Variants in RCSD1 observed in about 807,000 individuals in gnomAD.
The protein encoded by RCSD1 is capZ-interacting protein.
In RCSD1, 26 loss-of-function variants were observed where a neutral mutation model predicts 42.5. The ratio of observed to expected loss-of-function variants is 0.61; its 90% CI spans 0.45 to 0.85. The LOEUF is 0.85. Among genes scored for constraint, RCSD1 ranks in the 40% least tolerant of loss-of-function variants. The pLI is 0.00. For synonymous variants in RCSD1, 220 were observed against 212.2 expected, an observed-to-expected ratio of 1.04 and a Z score of -0.32; for missense variants, 571 against 528.3, an observed-to-expected ratio of 1.08 and a Z score of -0.79.
At chr1:167,690,510 C>T (rs1558091208) in intron 4 of RCSD1, among the ~76,000 whole-genome samples, 1 of 151,998 alleles carries the variant, frequency 6.6e-6, no homozygotes, top group Non-Finnish European at 1.5e-5. Flanking sequence ...ACTATCTCTA[C>T]AAAAAATTTT....
At chr1:167,698,420 G>T (rs1210612893) in intron 6 of RCSD1, among the ~76,000 whole-genome samples, 1 of 152,204 alleles carries the variant, frequency 6.6e-6, no homozygotes, top group African/African-American at 2.4e-5. Flanking sequence ...ATTTGAGTTG[G>T]CCCTCAGAGA....
chr1:167,700,420 G>A (rs141752947), intron 6 of RCSD1, among the ~76,000 whole-genome samples: 9 of 152,016 alleles, frequency 5.9e-5, no homozygotes, highest in South Asian at 4.2e-4. Context: ...AGGCTGAGGC[G>A]GGTGGATCAC....
At chr1:167,630,827 C>CTGAAG (rs1389731278) in intron 1 of RCSD1, among the ~76,000 whole-genome samples, 1 of 143,268 alleles carries the variant, frequency 7.0e-6, no homozygotes. Context: ...GCCCTTCAAT[C>CTGAAG]TGAAGAGATG....
At chr1:167,646,579 T>C (rs552089053) in intron 1 of RCSD1, among the ~76,000 whole-genome samples, 1 of 152,264 alleles carries the variant, frequency 6.6e-6, no homozygotes, top group South Asian at 2.1e-4. Context: ...GTTTGTTACA[T>C]AGATATACAT....
chr1:167,673,786 C>T (rs1443344355), intron 1 of RCSD1, among the ~76,000 whole-genome samples: 11 of 152,156 alleles, frequency 7.2e-5, no homozygotes, highest in Admixed American at 2.0e-4. Context: ...TGACACTTTG[C>T]GTGTACCAGC....
At chr1:167,636,743 C>T (rs1343686726) in intron 1 of RCSD1, among the ~76,000 whole-genome samples, 1 of 152,128 alleles carries the variant, frequency 6.6e-6, no homozygotes, top group Non-Finnish European at 1.5e-5. Context: ...TGCACCACCA[C>T]ACTCGGCTAA....
chr1:167,664,729 AC>A (rs899565183), intron 1 of RCSD1: 11 of 152,168 alleles, frequency 7.2e-5, no homozygotes, highest in Admixed American at 7.2e-4. Context: ...ACATGGCAAA[AC>A]CCTGTCTCTA....
intron 3 of RCSD1, 61 bp downstream of exon 3, chr1:167,685,571 G>C: frequency 6.9e-7 from 1 of 1,450,256 alleles, no homozygotes; most frequent in Non-Finnish European, 9.6e-7. Flanking sequence ...TCTTCTTGAG[G>C]AAAGTTTGGA....
chr1:167,659,278 A>G (rs1415235905), intron 1 of RCSD1, among the ~76,000 whole-genome samples: 1 of 152,212 alleles, frequency 6.6e-6, no homozygotes, highest in African/African-American at 2.4e-5. Flanking sequence ...AGTGCTTTAT[A>G]TAACAGACAT....
intron 4 of RCSD1, 73 bp from the exon 5 acceptor site, chr1:167,694,026 A>G: frequency 6.7e-7 from 1 of 1,483,656 alleles, no homozygotes; most frequent in Non-Finnish European, 9.4e-7. Flanking sequence ...GAGGCCAGAT[A>G]ACCAACAAGC....
At chr1:167,654,698 G>A (rs746669824) in intron 1 of RCSD1, among the ~76,000 whole-genome samples, 3 of 152,170 alleles carry the variant, frequency 2.0e-5, no homozygotes, top group Non-Finnish European at 4.4e-5. Flanking sequence ...GGTTATGTGG[G>A]CAGGAGAGGG....
Position 167,708,112 on chromosome 1 carries a change from G to A in RCSD1, c.*3416G>A, listed in dbSNP as rs920470717. ...TTTCCATAGGCCCTGTGTGACTCAC[G>A]TGTCTATACCTGAATCAACTGTTAC... On this transcript the variant is annotated 3_prime_UTR_variant, in exon 7 of 7. Transcript: ENST00000367854. Among the ~76,000 whole-genome samples the A allele has an allele frequency of 1.3e-5, 2 of 152,154 alleles. No individual in the cohort carries two copies. Among genetic ancestry groups the A allele is most frequent in the African/African-American group, 2.4e-5 (1 of 41,414 alleles).
intron 6 of RCSD1, among the ~76,000 whole-genome samples, chr1:167,703,339 G>A (rs546652265): frequency 7.2e-5 from 11 of 152,082 alleles, no homozygotes; most frequent in South Asian, 2.1e-4. Context: ...CATGACCAGC[G>A]CTTTGTGGGA....
Position 167,634,183 on chromosome 1 carries a change from A to T in RCSD1, c.6+3754A>T, listed in dbSNP as rs1378473873. 2.6e-5 allele frequency among the ~76,000 whole-genome samples: 4 copies of T among 152,008 alleles called. No homozygotes were observed. The South Asian group carries it at 8.3e-4, about 32-fold the overall frequency. On this transcript the variant is annotated intron_variant, in intron 1 of 6. Coordinates refer to ENST00000367854, the MANE Select transcript of RCSD1 (RefSeq NM_052862.4). ...TGGAAGGCTTCTGTGAAGCCCCCAG[A>T]CTCTACAGCACTCTCAGAGCACTTT...
chr1:167,675,319 C>A (rs563972920), intron 1 of RCSD1, among the ~76,000 whole-genome samples: 188 of 150,936 alleles, frequency 1.2e-3, no homozygotes, highest in Non-Finnish European at 1.3e-3. Flanking sequence ...ACAAGCATGG[C>A]GGAAGGCAAA....
chr1:167,661,296 C>T (rs1408041528), intron 1 of RCSD1, among the ~76,000 whole-genome samples: 1 of 152,202 alleles, frequency 6.6e-6, no homozygotes, highest in Non-Finnish European at 1.5e-5. Context: ...AGGTCTGGGA[C>T]TAGACCCTGC....
chr1:167,699,135 C>T (rs905779527), intron 6 of RCSD1, among the ~76,000 whole-genome samples: 1 of 150,776 alleles, frequency 6.6e-6, no homozygotes, highest in African/African-American at 2.5e-5. Flanking sequence ...ACTTTTTTTT[C>T]CCCCTGCGTA....
chr1:167,668,287 G>GAAA (rs760541289), intron 1 of RCSD1, among the ~76,000 whole-genome samples: 2 of 142,642 alleles, frequency 1.4e-5, no homozygotes, highest in African/African-American at 2.5e-5. Context: ...TCCGTCTCCA[G>GAAA]AAAAAAAAAA....
chr1:167,699,879 C>G (rs901880089), intron 6 of RCSD1, among the ~76,000 whole-genome samples: 8 of 152,210 alleles, frequency 5.3e-5, no homozygotes, highest in Non-Finnish European at 8.8e-5. Flanking sequence ...CAGAGCTCAG[C>G]TCAGATGGTC....
Sources: gnomAD v4.1 joint callset for allele counts (sites outside exome capture counted in the v4.1 genomes callset) on GRCh38, gnomAD v4.1.1 for gene constraint, MANE v1.5 for transcripts, NCBI Gene and HGNC (gene_info 2026-07-23, HGNC 2026-07-21) for gene names.